KHDRBS1: variants seen among roughly 807,000 people sequenced by gnomAD.
KHDRBS1 encodes KH RNA binding domain containing, signal transduction associated 1.
Under a neutral mutation model 48.4 loss-of-function variants are expected in KHDRBS1, and 7 were observed. The observed-to-expected ratio is 0.14, with a 90% CI of 0.08 to 0.27. The LOEUF (loss-of-function observed/expected upper bound fraction) is 0.27, where lower values mean the gene tolerates loss of function less well. Among genes scored for constraint, KHDRBS1 ranks in the 10% least tolerant of loss-of-function variants. KHDRBS1 has a pLI of 1.00. For missense variants in KHDRBS1, 458 were observed against 601.2 expected (o/e 0.76, Z 2.49); for synonymous variants, 241 against 235.8 (o/e 1.02, Z -0.20).
chr1:32,036,884 A>G (rs746964095), intron 4 of KHDRBS1, 26 bp from the exon 5 acceptor site: 16 of 1,604,798 alleles, frequency 1.0e-5, no homozygotes, highest in African/African-American at 2.7e-5. Flanking sequence ...ATACCACACA[A>G]TACTCCTTGT....
intron 4 of KHDRBS1, 31 bp downstream of exon 4, chr1:32,033,365 G>A (rs774072695): frequency 6.2e-7 from 1 of 1,610,568 alleles, no homozygotes; most frequent in East Asian, 2.2e-5. Context: ...TGTCTTCTGA[G>A]CAAAAGAGAA....
At chr1:32,042,273 T>C (rs557849229) in intron 8 of KHDRBS1, among the ~76,000 whole-genome samples, 1 of 152,302 alleles carries the variant, frequency 6.6e-6, no homozygotes, top group Non-Finnish European at 1.5e-5. Flanking sequence ...AAGAACCTCG[T>C]TGTGGGAGAT....
intron 1 of KHDRBS1, among the ~76,000 whole-genome samples, chr1:32,015,919 G>T (rs1638730946): frequency 6.6e-6 from 1 of 152,178 alleles, no homozygotes; most frequent in Admixed American, 6.6e-5. Flanking sequence ...GGTGGCTCAC[G>T]CCTGTAATCC....
chr1:32,026,074 G>A (rs1371600987), intron 1 of KHDRBS1, among the ~76,000 whole-genome samples: 2 of 151,296 alleles, frequency 1.3e-5, no homozygotes, highest in African/African-American at 4.9e-5. Flanking sequence ...GTGCCACTGT[G>A]CCCAACCAGT....
At chr1:32,046,887 C>T (rs759192306), downstream of KHDRBS1, among the ~76,000 whole-genome samples, 1 of 152,102 alleles carries the variant, frequency 6.6e-6, no homozygotes, top group Non-Finnish European at 1.5e-5. Flanking sequence ...GCAAGTCCTA[C>T]GTTTGATGTT....
chr1:32,055,815 C>A (rs193130981), intron 10 of KHDRBS1, among the ~76,000 whole-genome samples: 1 of 152,126 alleles, frequency 6.6e-6, no homozygotes, highest in Admixed American at 6.6e-5. Flanking sequence ...GGAGACTCAA[C>A]CCTTTTTGGG....
chr1:32,013,880 C>G lies in KHDRBS1; in HGVS notation c.-116C>G. On this transcript the variant is annotated 5_prime_UTR_variant, in exon 1 of 9. Transcript: ENST00000327300. Reference sequence around the variant, plus strand: ...TTTCCGGTGCTCTCTCTCGCTGGGTCGCTCGGGTCGGCTTCGGTCGCTACC... The same window carrying G: ...TTTCCGGTGCTCTCTCTCGCTGGGTGGCTCGGGTCGGCTTCGGTCGCTACC... 1.0e-6 allele frequency: 1 copy of G among 998,612 alleles called. No individual in the cohort carries two copies. Among genetic ancestry groups the G allele is most frequent in the Non-Finnish European group, 1.3e-6 (1 of 755,720 alleles). The allele number at this position is 998,612 out of a possible 1,614,324, so 61.9% of individuals were successfully genotyped here. A position where few individuals can be genotyped will look rare whatever the true frequency, so the allele number is the denominator to read the frequency against.
At chr1:32,027,666 C>T (rs954516433) in intron 1 of KHDRBS1, among the ~76,000 whole-genome samples, 9 of 152,152 alleles carry the variant, frequency 5.9e-5, no homozygotes, top group Non-Finnish European at 1.5e-5. Flanking sequence ...AAGTATGTGT[C>T]TATTAGTTCA....
At chr1:32,020,755 G>C (rs922800477) in intron 1 of KHDRBS1, among the ~76,000 whole-genome samples, 3 of 152,050 alleles carry the variant, frequency 2.0e-5, no homozygotes, top group African/African-American at 7.3e-5. Context: ...TGAAGAAACA[G>C]AATAGTGGAG....
At chr1:32,038,064 C>G in intron 6 of KHDRBS1, 28 bp downstream of exon 6, 1 of 1,612,448 alleles carries the variant, frequency 6.2e-7, no homozygotes, top group Non-Finnish European at 8.5e-7. Flanking sequence ...TGTGCCATTT[C>G]CCAGTACCTA....
At chr1:32,040,601 C>G (rs577255188) in intron 8 of KHDRBS1, among the ~76,000 whole-genome samples, 8 of 152,302 alleles carry the variant, frequency 5.3e-5, no homozygotes, top group Middle Eastern at 6.8e-3. Flanking sequence ...TGGTTAAAAA[C>G]ACATCGCTCA....
At chr1:32,016,713 C>T (rs2124352978) in intron 1 of KHDRBS1, among the ~76,000 whole-genome samples, 1 of 152,250 alleles carries the variant, frequency 6.6e-6, no homozygotes, top group East Asian at 1.9e-4. Flanking sequence ...TCTCCTCTTC[C>T]TTTCCTGGGT....
intron 10 of KHDRBS1, among the ~76,000 whole-genome samples, chr1:32,051,258 ATTCT>A (rs1319020876): frequency 6.6e-6 from 1 of 152,236 alleles, no homozygotes. Context: ...TGAAAAGACT[ATTCT>A]TTCTTCATTG....
At chr1:32,023,343 T>C (rs1638899090) in intron 1 of KHDRBS1, among the ~76,000 whole-genome samples, 1 of 152,224 alleles carries the variant, frequency 6.6e-6, no homozygotes, top group African/African-American at 2.4e-5. Context: ...CTAATTAGTT[T>C]TGAGATCTTG....
chr1:32,028,031 C>T (rs535665874), intron 1 of KHDRBS1, among the ~76,000 whole-genome samples: 5 of 152,324 alleles, frequency 3.3e-5, no homozygotes, highest in African/African-American at 9.6e-5. Context: ...GCAGGAGAAT[C>T]GCTTGAACCC....
At chr1:32,016,047 G>A (rs1638733532) in intron 1 of KHDRBS1, among the ~76,000 whole-genome samples, 1 of 151,962 alleles carries the variant, frequency 6.6e-6, no homozygotes, top group Admixed American at 6.6e-5. Flanking sequence ...GCGTGGTGGC[G>A]CACGCCTGTG....
At chr1:32,057,798 CA>C (rs796350726) in intron 10 of KHDRBS1, among the ~76,000 whole-genome samples, 165 of 128,584 alleles carry the variant, frequency 1.3e-3, no homozygotes, top group Non-Finnish European at 1.3e-3. Flanking sequence ...GACTCCATCT[CA>C]AAAAAAAAAA....
intron 4 of KHDRBS1, among the ~76,000 whole-genome samples, chr1:32,036,534 C>G (rs1400416682): frequency 6.6e-6 from 1 of 152,082 alleles, no homozygotes. Flanking sequence ...GTGCATACAG[C>G]TCCATTAATG....
At chr1:32,018,123 C>G (rs955068387) in intron 1 of KHDRBS1, among the ~76,000 whole-genome samples, 13 of 152,060 alleles carry the variant, frequency 8.5e-5, no homozygotes, top group African/African-American at 3.1e-4. Context: ...ACATTAAGAC[C>G]TTCCCAGTTC....
Sources: allele counts gnomAD v4.1 joint callset (sites outside exome capture counted in the v4.1 genomes callset), GRCh38; gene constraint gnomAD v4.1.1; transcripts MANE v1.5; gene names NCBI Gene and HGNC (gene_info 2026-07-23, HGNC 2026-07-21).